Variants in ELMO1 observed in about 807,000 individuals in gnomAD.
ELMO1 encodes the protein engulfment and cell motility 1, also known as engulfment and cell motility protein 1.
Under a neutral mutation model 98.9 loss-of-function variants are expected in ELMO1, and 26 were observed. The observed-to-expected ratio is 0.26, with a 90% confidence interval of 0.19 to 0.36. The LOEUF is 0.36. Among genes scored for constraint, ELMO1 ranks in the 10% least tolerant of loss-of-function variants. The probability of loss-of-function intolerance (pLI) is 1.00; values close to 1 mark genes in which losing one functional copy is unlikely to be tolerated. For missense variants in ELMO1, 627 were observed against 935.2 expected, an observed-to-expected ratio of 0.67 and a Z score of 4.30; for synonymous variants, 346 against 346.0, an observed-to-expected ratio of 1.00 and a Z score of 0.00.
At chr7:37,334,526 G>A (rs909536521) in intron 2 of ELMO1, among the ~76,000 whole-genome samples, 1 of 152,188 alleles carries the variant, frequency 6.6e-6, no homozygotes, top group Non-Finnish European at 1.5e-5. Context: ...CTTCCTAGCT[G>A]AGTAATCTTG....
chr7:37,013,375 T>G lies in ELMO1; in HGVS notation c.1361A>C (p.Glu454Ala). 1 of 1,614,026 alleles carries G rather than the reference T, an allele frequency of 6.2e-7. No homozygotes were observed. The highest frequency in any genetic ancestry group is 8.5e-7 in the Non-Finnish European group (1 of 1,179,994). Residue 454 changes from glutamate to alanine, a missense_variant, in exon 16 of 22, where the codon GAG (glutamate) becomes GCG (alanine). This residue lies in a region of ELMO1 where 492 missense variants were observed against 715.6 expected (regional missense o/e 0.69). Coordinates refer to ENST00000310758, the MANE Select transcript of ELMO1 (RefSeq NM_014800.11). ...GAGCTGGATACAGATGCAGAAAAAC[T>G]CCTCAAAGGATCTGTCGTGGGTGAA... The part of the protein sequence containing the change: ...MFFTHDRSFE[E>A]FFCICIQLLN...
chr7:37,049,188 C>T (rs1286022592), intron 15 of ELMO1, among the ~76,000 whole-genome samples: 2 of 152,140 alleles, frequency 1.3e-5, no homozygotes, highest in African/African-American at 4.8e-5. Context: ...ACCTTGGACT[C>T]AGGACACAGC....
chr7:37,058,473 T>C (rs191972338), intron 15 of ELMO1, among the ~76,000 whole-genome samples: 2 of 152,030 alleles, frequency 1.3e-5, no homozygotes, highest in Non-Finnish European at 2.9e-5. Flanking sequence ...CCTGCTGCAC[T>C]GGGGTGGGGG....
intron 4 of ELMO1, among the ~76,000 whole-genome samples, chr7:37,296,712 T>C (rs1299521677): frequency 6.6e-6 from 1 of 152,204 alleles, no homozygotes; most frequent in Non-Finnish European, 1.5e-5. Flanking sequence ...TAGCTGGAAA[T>C]TGCTTTTAAA....
intron 14 of ELMO1, among the ~76,000 whole-genome samples, chr7:37,105,653 C>T (rs1784902483): frequency 6.6e-6 from 1 of 152,196 alleles, no homozygotes; most frequent in Non-Finnish European, 1.5e-5. Flanking sequence ...ACTGTGGGAA[C>T]CACTGACTTA....
chr7:36,961,470 T>C (rs1487610523), intron 16 of ELMO1, among the ~76,000 whole-genome samples: 2 of 152,232 alleles, frequency 1.3e-5, no homozygotes, highest in African/African-American at 4.8e-5. Context: ...TTACATGGTA[T>C]GAAAATTACA....
At chr7:37,382,146 C>A (rs972976138) in intron 1 of ELMO1, among the ~76,000 whole-genome samples, 3 of 152,118 alleles carry the variant, frequency 2.0e-5, no homozygotes, top group Admixed American at 2.0e-4. Flanking sequence ...CTTGCCTTAC[C>A]TTTAAAAAAG....
At chr7:37,245,677 G>C (rs1794970092) in intron 6 of ELMO1, among the ~76,000 whole-genome samples, 1 of 152,046 alleles carries the variant, frequency 6.6e-6, no homozygotes, top group African/African-American at 2.4e-5. Context: ...AGCACGCAAG[G>C]GCCAGAGGCT....
At chr7:36,864,189 T>C (rs1455171212) in intron 20 of ELMO1, among the ~76,000 whole-genome samples, 1 of 152,194 alleles carries the variant, frequency 6.6e-6, no homozygotes, top group Non-Finnish European at 1.5e-5. Flanking sequence ...CCAGATGTGC[T>C]CCGGACAGGG....
intron 4 of ELMO1, among the ~76,000 whole-genome samples, chr7:37,296,885 C>A (rs373364253): frequency 6.6e-6 from 1 of 152,296 alleles, no homozygotes; most frequent in African/African-American, 2.4e-5. Flanking sequence ...ATTAGGTTTT[C>A]TCTTTCATTA....
At chr7:37,371,414 T>A (rs1165403112) in intron 1 of ELMO1, among the ~76,000 whole-genome samples, 2 of 152,236 alleles carry the variant, frequency 1.3e-5, no homozygotes, top group Non-Finnish European at 2.9e-5. Context: ...CATCATTTGC[T>A]TGTATCATAT....
At chr7:37,278,561 G>A (rs1796974980) in intron 4 of ELMO1, among the ~76,000 whole-genome samples, 1 of 152,130 alleles carries the variant, frequency 6.6e-6, no homozygotes, top group African/African-American at 2.4e-5. Context: ...GTACCTTGAA[G>A]GAACAAATTC....
chr7:36,964,825 C>T (rs1476705909), intron 16 of ELMO1, among the ~76,000 whole-genome samples: 1 of 152,112 alleles, frequency 6.6e-6, no homozygotes, highest in African/African-American at 2.4e-5. Context: ...CGAAGGAATA[C>T]AAATATAAAC....
At chr7:37,103,381 A>G (rs1013192926) in intron 14 of ELMO1, among the ~76,000 whole-genome samples, 48 of 152,082 alleles carry the variant, frequency 3.2e-4, no homozygotes, top group African/African-American at 1.1e-3. Context: ...CTCTTTAGAA[A>G]AGTGGTTCTA....
At chr7:37,281,735 T>C (rs1797153856) in intron 4 of ELMO1, among the ~76,000 whole-genome samples, 1 of 152,232 alleles carries the variant, frequency 6.6e-6, no homozygotes, top group Admixed American at 6.5e-5. Context: ...CACATGACAT[T>C]TGGAATAAAT....
chr7:37,254,903 A>G (rs1795558521), intron 6 of ELMO1, among the ~76,000 whole-genome samples: 1 of 152,220 alleles, frequency 6.6e-6, no homozygotes, highest in Non-Finnish European at 1.5e-5. Context: ...TGGAGACAGA[A>G]TTCAGACCTG....
intron 11 of ELMO1, among the ~76,000 whole-genome samples, chr7:37,214,860 A>C (rs6963276): frequency 0.19 from 29,362 of 152,146 alleles, 3,182 homozygotes; most frequent in Middle Eastern, 0.28. Flanking sequence ...CATCTCATAC[A>C]AGAAGTCCCA....
At chr7:37,405,881 C>G (rs1803736667) in intron 1 of ELMO1, among the ~76,000 whole-genome samples, 1 of 152,172 alleles carries the variant, frequency 6.6e-6, no homozygotes, top group Admixed American at 6.5e-5. Context: ...GAAAGTTGGC[C>G]TCAAGAGAGC....
At chr7:37,323,171 T>G (rs554012034) in intron 2 of ELMO1, among the ~76,000 whole-genome samples, 1 of 152,324 alleles carries the variant, frequency 6.6e-6, no homozygotes, top group Admixed American at 6.5e-5. Flanking sequence ...TTTGCAAAAA[T>G]ATCGTTATTT....
Sources: gnomAD v4.1 joint callset for allele counts (sites outside exome capture counted in the v4.1 genomes callset) on GRCh38, gnomAD v4.1.1 for gene constraint, gnomAD v4.1.1 regional missense constraint, MANE v1.5 for transcripts, NCBI Gene and HGNC (gene_info 2026-07-23, HGNC 2026-07-21) for gene names.